The following DNAH14 variants were observed in gnomAD, a reference collection of about 807,000 sequenced individuals.
DNAH14 encodes the protein dynein axonemal heavy chain 14.
DNAH14 carries 478 observed loss-of-function variants against 520.9 expected under a neutral mutation model. That is an observed-to-expected ratio of 0.92 (90% CI 0.85 to 0.99). The LOEUF (loss-of-function observed/expected upper bound fraction) is 0.99, where lower values mean the gene tolerates loss of function less well. DNAH14 is among the 50% of genes least tolerant of loss of function. DNAH14 has a pLI of 0.00. For missense variants in DNAH14, 4,831 were observed against 5,234.5 expected, an observed-to-expected ratio of 0.92 and a Z score of 2.38; for synonymous variants, 1,581 against 1,757.2, an observed-to-expected ratio of 0.90 and a Z score of 2.51.
intron 11 of DNAH14, chr1:225,024,099 T>G: frequency 9.0e-7 from 1 of 1,113,728 alleles, no homozygotes; most frequent in Non-Finnish European, 1.1e-6. Flanking sequence ...GTAAATAATT[T>G]TAGTATACTT....
chr1:225,098,421 G>A (rs2075177030), intron 22 of DNAH14, among the ~76,000 whole-genome samples: 1 of 152,170 alleles, frequency 6.6e-6, no homozygotes, highest in Non-Finnish European at 1.5e-5. Context: ...AGCTAGTTTA[G>A]GAGCCATTCT....
chr1:225,167,261 A>G (rs1048549046), intron 35 of DNAH14, among the ~76,000 whole-genome samples: 1 of 152,234 alleles, frequency 6.6e-6, no homozygotes, highest in Non-Finnish European at 1.5e-5. Flanking sequence ...GATGCAAGGA[A>G]TGAAAAATGG....
At chr1:225,095,197 G>A (rs975245324) in intron 21 of DNAH14, among the ~76,000 whole-genome samples, 3 of 152,054 alleles carry the variant, frequency 2.0e-5, no homozygotes, top group African/African-American at 7.2e-5. Flanking sequence ...ACACATGCAC[G>A]CTTATGTTCA....
intron 41 of DNAH14, among the ~76,000 whole-genome samples, chr1:225,214,202 GATT>G (rs988262130): frequency 9.2e-5 from 14 of 152,122 alleles, no homozygotes; most frequent in African/African-American, 3.1e-4. Context: ...TTATATGATG[GATT>G]ACGTTTGTTG....
In DNAH14 at chr1:225,091,476, C is replaced by G. The variant is rs188593528; in HGVS notation, c.3574-5642C>G. ...TCCAACCAATATTTTCATATCCAGCCAAATTAGATTTCATAAGCAAAGGAG... is the reference window on the plus strand; with the variant it reads ...TCCAACCAATATTTTCATATCCAGCGAAATTAGATTTCATAAGCAAAGGAG... On this transcript the variant is annotated intron_variant, in intron 21 of 85. Coordinates refer to ENST00000682510, the MANE Select transcript of DNAH14 (RefSeq NM_001367479.1). Among the ~76,000 whole-genome samples the G allele has an allele frequency of 5.9e-5, 9 of 152,198 alleles. No individual in the cohort carries two copies. The East Asian group carries it at 1.7e-3, about 29-fold the overall frequency.
chr1:225,155,031 T>C (rs1449731831), intron 34 of DNAH14, among the ~76,000 whole-genome samples: 1 of 151,994 alleles, frequency 6.6e-6, no homozygotes, highest in Non-Finnish European at 1.5e-5. Flanking sequence ...TATATGAAAA[T>C]ACACTCAACC....
intron 12 of DNAH14, among the ~76,000 whole-genome samples, chr1:225,039,029 C>T (rs1395235043): frequency 6.6e-6 from 1 of 152,144 alleles, no homozygotes; most frequent in Non-Finnish European, 1.5e-5. Context: ...TCATTCACCA[C>T]ATGGTTTATT....
intron 43 of DNAH14, among the ~76,000 whole-genome samples, chr1:225,251,396 A>T (rs1318034611): frequency 6.6e-6 from 1 of 151,948 alleles, no homozygotes; most frequent in East Asian, 1.9e-4. Flanking sequence ...CTGGTCTCAA[A>T]CTCCTGACCT....
At chr1:225,205,311 A>G (rs893992814) in intron 39 of DNAH14, among the ~76,000 whole-genome samples, 1 of 152,168 alleles carries the variant, frequency 6.6e-6, no homozygotes, top group Non-Finnish European at 1.5e-5. Flanking sequence ...AAAGGAGCTC[A>G]AGAGAAATTC....
intron 35 of DNAH14, among the ~76,000 whole-genome samples, chr1:225,161,567 T>C (rs2149155350): frequency 6.6e-6 from 1 of 152,282 alleles, no homozygotes; most frequent in African/African-American, 2.4e-5. Context: ...CTGTTTTTAG[T>C]TTTTTGACCA....
intron 54 of DNAH14, among the ~76,000 whole-genome samples, chr1:225,280,620 A>C (rs2093606645): frequency 6.6e-6 from 1 of 152,206 alleles, no homozygotes; most frequent in African/African-American, 2.4e-5. Flanking sequence ...GAAAGAAAAA[A>C]AGAAGTTCAA....
intron 23 of DNAH14, among the ~76,000 whole-genome samples, chr1:225,113,254 C>T (rs1332835435): frequency 2.0e-5 from 3 of 152,150 alleles, no homozygotes; most frequent in Non-Finnish European, 4.4e-5. Context: ...ACCTTGGTGG[C>T]CTTGGATAAG....
intron 41 of DNAH14, among the ~76,000 whole-genome samples, chr1:225,217,950 C>T (rs1377693999): frequency 1.3e-5 from 2 of 152,142 alleles, no homozygotes. Context: ...GCAGAAATCA[C>T]CCGTCTTCTG....
chr1:225,075,059 T>C (rs1258488537), intron 17 of DNAH14, among the ~76,000 whole-genome samples: 1 of 152,232 alleles, frequency 6.6e-6, no homozygotes, highest in African/African-American at 2.4e-5. Flanking sequence ...CCTGGGTTTC[T>C]GTGCATACCT....
At position 225,364,970 on chromosome 1, in the gene DNAH14, T is replaced by C. The variant is rs571174601; in HGVS notation, c.12090+76T>C. On this transcript the variant is annotated intron_variant, in intron 76 of 85. Transcript: ENST00000682510. ...ATGCAAGTCATCTTACATTCAAAAC[T>C]CTGAGTTTAAAAGAGAAAGCTAATT... 1.1e-5 allele frequency: 12 copies of C among 1,084,838 alleles called. No homozygotes were observed. In the South Asian group the frequency reaches 2.0e-4, roughly 18 times the overall value. 67.2% of individuals were successfully genotyped at this position (1,084,838 alleles called of 1,614,324 possible). A position where few individuals can be genotyped will look rare whatever the true frequency, so the allele number is the denominator to read the frequency against.
intron 36 of DNAH14, among the ~76,000 whole-genome samples, chr1:225,174,285 AAAAC>A (rs2083066324): frequency 2.0e-5 from 3 of 152,162 alleles, no homozygotes; most frequent in Non-Finnish European, 4.4e-5. Flanking sequence ...AGTTAAAAGA[AAAAC>A]AATATGAATT....
intron 28 of DNAH14, 30 bp from the exon 29 acceptor site, chr1:225,144,364 AAAT>A: frequency 6.9e-7 from 1 of 1,449,518 alleles, no homozygotes; most frequent in Non-Finnish European, 9.4e-7. Flanking sequence ...TAATTTAACC[AAAT>A]AATATGAACA....
At chr1:225,042,753 A>G (rs2067596115) in intron 12 of DNAH14, 82 bp from the exon 13 acceptor site, 3 of 1,415,770 alleles carry the variant, frequency 2.1e-6, no homozygotes, top group Non-Finnish European at 2.8e-6. Flanking sequence ...TTTCTCATTT[A>G]AAATTTTGGT....
In DNAH14 at chr1:225,207,088, G is replaced by T; in HGVS notation, c.6307G>T (p.Gly2103Ter). The change falls in exon 41 of 86, where the codon GGA becomes TGA. Residue 2103 changes from glycine (G) to a stop codon, truncating the protein, a stop_gained. Transcript: ENST00000682510. LOFTEE classifies it high-confidence loss of function. Reference sequence around the variant, plus strand: ...CATGATTAAAAATAGTGTCACAGACGGACTACAATTTATAAGGAATCGTCA... The same window carrying T: ...CATGATTAAAAATAGTGTCACAGACTGACTACAATTTATAAGGAATCGTCA... ...EFMIKNSVTDGLQFIRNRQKF... is the reference protein window; with the variant it reads ...EFMIKNSVTD The T allele has an allele frequency of 6.4e-7, 1 of 1,550,744 alleles. No individual in the cohort carries two copies. Among genetic ancestry groups the T allele is most frequent in the Non-Finnish European group, 8.7e-7 (1 of 1,146,522 alleles).
Sources: allele counts gnomAD v4.1 joint callset (sites outside exome capture counted in the v4.1 genomes callset), GRCh38; gene constraint gnomAD v4.1.1; transcripts MANE v1.5; gene names NCBI Gene and HGNC (gene_info 2026-07-23, HGNC 2026-07-21).